The following KCNN2 variants were observed in gnomAD, a reference collection of about 807,000 sequenced individuals.
KCNN2 encodes potassium calcium-activated channel subfamily N member 2.
KCNN2 carries 24 observed loss-of-function variants against 55.5 expected under a neutral mutation model. That is an observed-to-expected ratio of 0.43 (90% CI 0.31 to 0.61). KCNN2 has a LOEUF of 0.61. Among genes scored for constraint, KCNN2 ranks in the 20% least tolerant of loss-of-function variants. KCNN2 has a pLI of 0.08. For synonymous variants in KCNN2, 431 were observed against 336.1 expected (o/e 1.28, Z -3.09); for missense variants, 754 against 853.6 (o/e 0.88, Z 1.45).
intron 6 of KCNN2, among the ~76,000 whole-genome samples, chr5:114,491,579 A>G (rs1211205357): frequency 3.3e-5 from 5 of 150,434 alleles, no homozygotes; most frequent in Admixed American, 6.6e-5. Flanking sequence ...ACAGAGTAGG[A>G]CCAGACTATG....
At chr5:114,477,902 T>TA (rs1336032781) in intron 5 of KCNN2, among the ~76,000 whole-genome samples, 3 of 152,194 alleles carry the variant, frequency 2.0e-5, no homozygotes, top group Non-Finnish European at 4.4e-5. Context: ...AGAACACTAT[T>TA]ATGCAGTTAT....
intron 1 of KCNN2, among the ~76,000 whole-genome samples, chr5:114,165,805 G>A (rs562385295): frequency 2.0e-4 from 31 of 152,116 alleles, no homozygotes; most frequent in Admixed American, 1.4e-3. Flanking sequence ...GCATTGGTAC[G>A]CCTTCTAGTC....
chr5:114,280,258 C>T (rs914015704), intron 2 of KCNN2, among the ~76,000 whole-genome samples: 2 of 152,172 alleles, frequency 1.3e-5, no homozygotes, highest in East Asian at 1.9e-4. Flanking sequence ...GTTGCCTGTT[C>T]ACTCTGATAG....
intron 2 of KCNN2, among the ~76,000 whole-genome samples, chr5:114,291,563 C>A (rs1334484453): frequency 6.6e-6 from 1 of 152,144 alleles, no homozygotes; most frequent in Non-Finnish European, 1.5e-5. Flanking sequence ...TGTATATGTG[C>A]CACATTTTCC....
chr5:114,375,952 G>GTATA (rs6149186), intron 2 of KCNN2, among the ~76,000 whole-genome samples: 4,459 of 104,630 alleles, frequency 0.043, 263 homozygotes, highest in African/African-American at 0.078. Context: ...GACTCACAGT[G>GTATA]TATATATATA....
chr5:114,436,514 T>C (rs1477647603), intron 3 of KCNN2, among the ~76,000 whole-genome samples: 2 of 152,236 alleles, frequency 1.3e-5, no homozygotes, highest in Non-Finnish European at 2.9e-5. Context: ...CTAAATAAAG[T>C]CAGCATTCAG....
chr5:114,205,642 T>C (rs1394935528), intron 1 of KCNN2, among the ~76,000 whole-genome samples: 1 of 152,196 alleles, frequency 6.6e-6, no homozygotes, highest in Non-Finnish European at 1.5e-5. Flanking sequence ...GAAGACTTTT[T>C]TCTCCCCAGA....
At chr5:114,146,217 G>A (rs1467031655) in intron 1 of KCNN2, among the ~76,000 whole-genome samples, 4 of 152,082 alleles carry the variant, frequency 2.6e-5, no homozygotes, top group East Asian at 1.9e-4. Context: ...ACTAGATTTA[G>A]GAATATTAAG....
chr5:114,372,525 T>C (rs1250754294), intron 2 of KCNN2, among the ~76,000 whole-genome samples: 1 of 152,168 alleles, frequency 6.6e-6, no homozygotes, highest in African/African-American at 2.4e-5. Context: ...CTGATTTGCT[T>C]GTAATTTTAG....
chr5:114,362,347 A>C lies in KCNN2; in HGVS notation c.208A>C (p.Asn70His), dbSNP rs923428466. Residue 70 changes from asparagine (N) to histidine (H), a missense_variant, in exon 1 of 8, where the codon AAC (asparagine) becomes CAC (histidine). By Grantham distance (68) the Asn-to-His change is moderately conservative. Coordinates refer to ENST00000673685, the MANE Select transcript of KCNN2 (RefSeq NM_021614.4). ...SGGSSPCLRCNSCASSGAPAA... is the reference protein window; with the variant it reads ...SGGSSPCLRCHSCASSGAPAA... ...CGGCAGCAGCCCATGCCTCCGGTGCAACAGCTGCGCCTCCTCCGGTGCCCC... is the reference window on the plus strand; with the variant it reads ...CGGCAGCAGCCCATGCCTCCGGTGCCACAGCTGCGCCTCCTCCGGTGCCCC... 2.1e-5 allele frequency: 4 copies of C among 194,808 alleles called. No individual in the cohort carries two copies. Among genetic ancestry groups the C allele is most frequent in the Non-Finnish European group, 3.1e-5 (3 of 97,376 alleles). 12.1% of individuals were successfully genotyped at this position (194,808 alleles called of 1,614,324 possible). A position where few individuals can be genotyped will look rare whatever the true frequency, so the allele number is the denominator to read the frequency against.
intron 2 of KCNN2, among the ~76,000 whole-genome samples, chr5:114,278,607 T>G (rs1255868849): frequency 6.6e-6 from 1 of 152,204 alleles, no homozygotes; most frequent in East Asian, 1.9e-4. Flanking sequence ...TGCTCCAGCA[T>G]CCCAGGTCCA....
At chr5:114,061,205 A>G (rs1750321150) in intron 1 of KCNN2, among the ~76,000 whole-genome samples, 1 of 152,204 alleles carries the variant, frequency 6.6e-6, no homozygotes, top group African/African-American at 2.4e-5. Context: ...GTTATTGGCC[A>G]GGGGGACAGA....
At chr5:114,140,054 A>G (rs1752245858) in intron 1 of KCNN2, among the ~76,000 whole-genome samples, 1 of 152,078 alleles carries the variant, frequency 6.6e-6, no homozygotes, top group African/African-American at 2.4e-5. Context: ...CAAGTCAATT[A>G]TTTTTTATAT....
intron 1 of KCNN2, among the ~76,000 whole-genome samples, chr5:114,070,523 C>G (rs2112524755): frequency 6.6e-6 from 1 of 152,332 alleles, no homozygotes; most frequent in Middle Eastern, 3.4e-3. Context: ...GACTAGTTAG[C>G]TGTCAGGCAA....
intron 5 of KCNN2, among the ~76,000 whole-genome samples, chr5:114,474,213 T>TAACA (rs1357554378): frequency 1.3e-5 from 2 of 152,238 alleles, no homozygotes; most frequent in Admixed American, 6.5e-5. Context: ...TGATACTTCC[T>TAACA]AACAGGCCAG....
intron 3 of KCNN2, among the ~76,000 whole-genome samples, chr5:114,436,240 T>C (rs1198423424): frequency 6.6e-6 from 1 of 152,178 alleles, no homozygotes; most frequent in Non-Finnish European, 1.5e-5. Flanking sequence ...GGTTACAGTA[T>C]TTTACATTGG....
rs1254076621 is a variant in KCNN2 at position 114,136,163 on chromosome 5, A to G, written c.-271+79663A>G. 5.3e-5 allele frequency among the ~76,000 whole-genome samples: 8 copies of G among 152,218 alleles called. 1 individual carries two copies. The highest frequency in any genetic ancestry group is 5.2e-4 in the Admixed American group (8 of 15,284). ...GAGACAAATAAAAGGACCTTGCAAT[A>G]GCCTCTAGTTTAAGAGGTGGGAACA... On this transcript the variant is annotated intron_variant, in intron 1 of 10. Transcript: ENST00000512097.
intron 2 of KCNN2, among the ~76,000 whole-genome samples, chr5:114,342,335 A>C (rs1008979940): frequency 2.6e-5 from 4 of 152,184 alleles, no homozygotes; most frequent in African/African-American, 9.7e-5. Flanking sequence ...AATTAAACTG[A>C]CATATTCCCT....
intron 1 of KCNN2, among the ~76,000 whole-genome samples, chr5:114,189,775 G>A (rs564570463): frequency 1.5e-4 from 23 of 152,242 alleles, no homozygotes; most frequent in African/African-American, 5.1e-4. Flanking sequence ...GTATAGAACA[G>A]AGAATCCAGA....
Sources: gnomAD v4.1 joint callset for allele counts (sites outside exome capture counted in the v4.1 genomes callset) on GRCh38, gnomAD v4.1.1 for gene constraint, MANE v1.5 for transcripts, NCBI Gene and HGNC (gene_info 2026-07-23, HGNC 2026-07-21) for gene names.